ADGRG2: variants seen among roughly 807,000 people sequenced by gnomAD.
ADGRG2 encodes G protein-coupled receptor 64.
A neutral mutation model predicts 74.1 loss-of-function variants in ADGRG2; 26 were observed. That is an observed-to-expected ratio of 0.35 (90% CI 0.26 to 0.49). The LOEUF (loss-of-function observed/expected upper bound fraction) is 0.49. ADGRG2 is among the 20% of genes least tolerant of loss of function. The pLI is 0.99. For missense variants in ADGRG2, 619 were observed against 763.1 expected, an observed-to-expected ratio of 0.81 and a Z score of 2.22; for synonymous variants, 296 against 295.2, an observed-to-expected ratio of 1.00 and a Z score of -0.03.
At chrX:19,028,487 G>A (rs866296793) in intron 9 of ADGRG2, among the ~76,000 whole-genome samples, 1 of 111,449 alleles carries the variant, frequency 9.0e-6, no homozygotes, top group Non-Finnish European at 1.9e-5. Flanking sequence ...TGGGGACTTT[G>A]ACTCTATCTG....
Position 19,010,745 on chromosome X carries a change from T to A in ADGRG2, c.1133A>T (p.Glu378Val), listed in dbSNP as rs2060339643. The part of the protein sequence containing the change: ...IVNTSSISDL[E>V]NQVLQMEKAL... ...CTTCTCCATCTGCAACACTTGGTTC[T>A]CAAGATCAGAAATACTGCTGGTGTT... Residue 378 changes from glutamate (E) to valine (V), a missense_variant, in exon 17 of 29, where the codon GAG (glutamate) becomes GTG (valine). Physicochemically the swap from Glu to Val is moderately radical, Grantham distance 121 (BLOSUM62 -2). Around this residue, in one of 3 missense-constraint regions of ADGRG2, gnomAD observed 292 missense variants for 318.0 expected, o/e 0.92. Coordinates refer to ENST00000379869, the MANE Select transcript of ADGRG2 (RefSeq NM_001079858.3). 1 of 1,204,216 alleles carries A rather than the reference T, an allele frequency of 8.3e-7. No homozygotes were observed. The highest frequency in any genetic ancestry group is 3.0e-5 in the East Asian group (1 of 33,651).
Position 19,028,149 on chromosome X carries a change from T to C in ADGRG2, c.414+34A>G, listed in dbSNP as rs752679073. On this transcript the variant is annotated intron_variant, in intron 10 of 28. Coordinates refer to ENST00000379869, the MANE Select transcript of ADGRG2 (RefSeq NM_001079858.3). ...TTTAAATATAAATGAATTTGCCTTTTAAGATTGCAGTAAAAAAAATCTTTA... is the reference window on the plus strand; with the variant it reads ...TTTAAATATAAATGAATTTGCCTTTCAAGATTGCAGTAAAAAAAATCTTTA... 14 of 760,667 alleles carry C rather than the reference T, an allele frequency of 1.8e-5. No homozygotes were observed. The South Asian group carries it at 3.2e-4, about 17-fold the overall frequency. 62.7% of individuals were successfully genotyped at this position (760,667 alleles called of 1,213,427 possible).
intron 11 of ADGRG2, among the ~76,000 whole-genome samples, chrX:19,025,328 C>G (rs2060677993): frequency 9.0e-6 from 1 of 111,138 alleles, no homozygotes; most frequent in Admixed American, 9.6e-5. Flanking sequence ...CCCCTAAATA[C>G]TGATTTGTTA....
intron 1 of ADGRG2, among the ~76,000 whole-genome samples, chrX:19,121,394 C>T (rs1479482591): frequency 9.0e-6 from 1 of 111,590 alleles, no homozygotes; most frequent in East Asian, 2.8e-4. Flanking sequence ...TTCAAGCGAA[C>T]CTTCAGGGGG....
intron 3 of ADGRG2, among the ~76,000 whole-genome samples, chrX:19,053,095 C>T (rs906767916): frequency 9.0e-6 from 1 of 111,710 alleles, no homozygotes. Flanking sequence ...TCTGCATCTT[C>T]CCAAACCAAA....
intron 2 of ADGRG2, among the ~76,000 whole-genome samples, chrX:19,077,233 A>T (rs143771790): frequency 0.019 from 2,108 of 108,789 alleles, 49 homozygotes; most frequent in African/African-American, 0.066. Flanking sequence ...GCAGTGGCTC[A>T]CGCCTGTAAT....
At chrX:19,039,210 C>T (rs761924084) in intron 4 of ADGRG2, 1 of 329,045 alleles carries the variant, frequency 3.0e-6, no homozygotes, top group East Asian at 9.8e-5. Context: ...AATTACAACT[C>T]AAGTCATCTG....
chrX:19,072,907 T>C (rs1052996181), intron 2 of ADGRG2, among the ~76,000 whole-genome samples: 1 of 112,358 alleles, frequency 8.9e-6, no homozygotes, highest in Non-Finnish European at 1.9e-5. Context: ...TCTGTGAAGT[T>C]TGAAACCTTT....
At chrX:19,021,077 T>C in intron 14 of ADGRG2, 27 bp downstream of exon 14, 1 of 706,583 alleles carries the variant, frequency 1.4e-6, no homozygotes, top group Non-Finnish European at 2.3e-6. Context: ...CACATGAAGA[T>C]TAATGCAGCA....
chrX:19,059,993 G>A (rs978328005), intron 3 of ADGRG2, among the ~76,000 whole-genome samples: 6 of 111,389 alleles, frequency 5.4e-5, no homozygotes, highest in East Asian at 2.8e-4. Context: ...TTAGCCAGGC[G>A]TGGTGCCGCG....
At chrX:19,017,119 C>G (rs916795500) in intron 15 of ADGRG2, among the ~76,000 whole-genome samples, 3 of 111,776 alleles carry the variant, frequency 2.7e-5, no homozygotes, top group Non-Finnish European at 5.6e-5. Context: ...TATACAGACC[C>G]TCGGTGCTCA....
chrX:19,059,572 A>T (rs978261839), intron 3 of ADGRG2, among the ~76,000 whole-genome samples: 51 of 110,800 alleles, frequency 4.6e-4, no homozygotes, highest in Middle Eastern at 4.6e-3. Flanking sequence ...AATCTTTAGT[A>T]CCAGTACTAT....
At chrX:19,040,304 T>G in intron 3 of ADGRG2, 80 bp from the exon 4 acceptor site, 1 of 657,535 alleles carries the variant, frequency 1.5e-6, no homozygotes, top group Non-Finnish European at 2.4e-6. Context: ...AAGGATTTTT[T>G]GTCAAATAAG....
intron 2 of ADGRG2, among the ~76,000 whole-genome samples, chrX:19,072,506 G>A (rs998340714): frequency 8.9e-6 from 1 of 111,923 alleles, no homozygotes; most frequent in Non-Finnish European, 1.9e-5. Flanking sequence ...CCTAAGTGGT[G>A]TACAAGATAT....
chrX:19,004,947 A>T, intron 22 of ADGRG2, 68 bp from the exon 23 acceptor site: 1 of 882,044 alleles, frequency 1.1e-6, no homozygotes, highest in Non-Finnish European at 1.6e-6. Flanking sequence ...ATGATGTATC[A>T]AGTATTCTAG....
chrX:19,065,999 A>G (rs932939817), intron 3 of ADGRG2, among the ~76,000 whole-genome samples: 2 of 111,715 alleles, frequency 1.8e-5, no homozygotes, highest in Non-Finnish European at 3.8e-5. Flanking sequence ...GGCGTGCACC[A>G]CCACGCCCGG....
intron 1 of ADGRG2, among the ~76,000 whole-genome samples, chrX:19,097,341 A>G (rs1335162930): frequency 9.8e-5 from 11 of 112,241 alleles, no homozygotes; most frequent in African/African-American, 3.2e-4. Context: ...GCAAAACCCC[A>G]TCTCTACTAA....
At chrX:19,088,515 A>C (rs1303707757) in intron 1 of ADGRG2, among the ~76,000 whole-genome samples, 4 of 110,495 alleles carry the variant, frequency 3.6e-5, no homozygotes, top group Non-Finnish European at 7.6e-5. Flanking sequence ...TTTTTCTTTG[A>C]GACTGGGTCT....
chrX:19,075,617 C>CA (rs61690480), intron 2 of ADGRG2, among the ~76,000 whole-genome samples: 738 of 39,073 alleles, frequency 0.019, 15 homozygotes, highest in East Asian at 0.077. Flanking sequence ...GACTTCGCCT[C>CA]AAAAAAAAAA....
Sources: allele counts gnomAD v4.1 joint callset (sites outside exome capture counted in the v4.1 genomes callset), GRCh38; gene constraint gnomAD v4.1.1; regional missense constraint gnomAD v4.1.1; transcripts MANE v1.5; gene names NCBI Gene and HGNC (gene_info 2026-07-23, HGNC 2026-07-21).